The following PDE4DIP variants were observed in gnomAD, a reference collection of about 807,000 sequenced individuals.
PDE4DIP encodes myomegalin.
A neutral mutation model predicts 221.4 loss-of-function variants in PDE4DIP; 59 were observed. The observed-to-expected ratio is 0.27, with a 90% CI of 0.22 to 0.33. The LOEUF (loss-of-function observed/expected upper bound fraction) is 0.33. Among genes scored for constraint, PDE4DIP ranks in the 10% least tolerant of loss-of-function variants. The pLI, the probability that PDE4DIP is intolerant of heterozygous loss-of-function variation, is 1.00. For missense variants in PDE4DIP, 1,036 were observed against 2,154.2 expected, an observed-to-expected ratio of 0.48 and a Z score of 10.28; for synonymous variants, 404 against 815.9, an observed-to-expected ratio of 0.50 and a Z score of 8.60.
chr1:148,992,320 TG>T, intron 22 of PDE4DIP: 1 of 1,593,634 alleles, frequency 6.3e-7, no homozygotes, highest in South Asian at 1.1e-5. Flanking sequence ...TTTTTGTAAC[TG>T]AAACGCACCA....
intron 41 of PDE4DIP, among the ~76,000 whole-genome samples, chr1:149,029,440 C>G (rs1397588258): frequency 6.6e-6 from 1 of 152,200 alleles, no homozygotes; most frequent in Admixed American, 6.5e-5. Context: ...CTTCTGAACT[C>G]TCAATCTTAC....
intron 1 of PDE4DIP, among the ~76,000 whole-genome samples, chr1:148,915,277 A>T (rs1403619636): frequency 6.6e-6 from 1 of 152,216 alleles, no homozygotes; most frequent in Admixed American, 6.5e-5. Flanking sequence ...CCTCCCAAGT[A>T]GCTGGGATTA....
intron 1 of PDE4DIP, among the ~76,000 whole-genome samples, chr1:148,915,301 C>T (rs1393813616): frequency 2.0e-5 from 3 of 152,272 alleles, no homozygotes; most frequent in African/African-American, 2.4e-5. Context: ...GCACACACCA[C>T]CACACCTGGC....
At chr1:149,009,926 A>G (rs2068088500) in intron 30 of PDE4DIP, 135 bp downstream of exon 33, 2 of 728,806 alleles carry the variant, frequency 2.7e-6, no homozygotes, top group Non-Finnish European at 4.9e-6. Context: ...CACAGGCACC[A>G]GTGGATCAGG....
exon 41 of PDE4DIP, chr1:149,028,586 G>A (rs782344493): frequency 6.2e-7 from 1 of 1,610,894 alleles, no homozygotes; most frequent in East Asian, 2.2e-5. Flanking sequence ...GTATTCATGA[G>A]CTTCGGAGCA....
intron 17 of PDE4DIP, among the ~76,000 whole-genome samples, chr1:148,975,538 A>G (rs2060008831): frequency 1.3e-5 from 2 of 152,024 alleles, no homozygotes; most frequent in Non-Finnish European, 2.9e-5. Flanking sequence ...CTTCCTAAGA[A>G]GATTCATTTC....
At chr1:149,021,494 A>G (rs1239131537) in intron 37 of PDE4DIP, 1 of 180,092 alleles carries the variant, frequency 5.6e-6, no homozygotes, top group Non-Finnish European at 1.2e-5. Flanking sequence ...ATACATACTG[A>G]CAACCCATTC....
chr1:148,824,437 A>G (rs1670146944), intron 1 of PDE4DIP, among the ~76,000 whole-genome samples: 1 of 137,792 alleles, frequency 7.3e-6, no homozygotes, highest in East Asian at 2.0e-4. Flanking sequence ...CTAATCTCGG[A>G]AGCAACATTC....
chr1:148,922,927 C>T (rs1324333420), intron 1 of PDE4DIP, among the ~76,000 whole-genome samples: 1 of 140,660 alleles, frequency 7.1e-6, no homozygotes, highest in Non-Finnish European at 1.5e-5. Context: ...TCTCTGTCAC[C>T]CCAGCTGGAG....
upstream of PDE4DIP, among the ~76,000 whole-genome samples, chr1:148,888,074 CT>C (rs1157871772): frequency 7.2e-6 from 1 of 139,476 alleles, no homozygotes; most frequent in Non-Finnish European, 1.6e-5. Flanking sequence ...TTCTTACGGG[CT>C]CCCCCAGAGT....
chr1:148,940,589 T>C (rs1485392315), intron 5 of PDE4DIP, among the ~76,000 whole-genome samples: 11 of 152,010 alleles, frequency 7.2e-5, no homozygotes, highest in Non-Finnish European at 8.8e-5. Context: ...TCAGGACCCA[T>C]GCACCACCCT....
intron 32 of PDE4DIP, among the ~76,000 whole-genome samples, chr1:149,012,978 G>C (rs2069080132): frequency 6.6e-6 from 1 of 151,786 alleles, no homozygotes; most frequent in Non-Finnish European, 1.5e-5. Flanking sequence ...TCAGTTAACA[G>C]GTAGATATGT....
At chr1:148,937,964 G>C in intron 5 of PDE4DIP, 100 bp downstream of exon 8, 1 of 574,144 alleles carries the variant, frequency 1.7e-6, no homozygotes, top group Non-Finnish European at 3.1e-6. Flanking sequence ...TTGTGTAACA[G>C]ATTACTACAA....
chr1:148,897,161 ACT>A (rs1553442912), intron 1 of PDE4DIP, among the ~76,000 whole-genome samples: 1 of 32,524 alleles, frequency 3.1e-5, no homozygotes, highest in Non-Finnish European at 5.9e-5. Flanking sequence ...AAGGTATGAA[ACT>A]CTGACATGTG....
chr1:149,022,956 C>G (rs1553621418), intron 37 of PDE4DIP, among the ~76,000 whole-genome samples: 2 of 152,218 alleles, frequency 1.3e-5, no homozygotes, highest in African/African-American at 4.8e-5. Flanking sequence ...TTTAAAACAT[C>G]TCTTAAAAAA....
upstream of PDE4DIP, among the ~76,000 whole-genome samples, chr1:148,886,001 C>G (rs1695915728): frequency 2.3e-5 from 1 of 43,640 alleles, no homozygotes; most frequent in Non-Finnish European, 4.1e-5. Flanking sequence ...GCTCAAAAAT[C>G]TGAAAATATT....
intron 17 of PDE4DIP, among the ~76,000 whole-genome samples, chr1:148,975,069 C>G (rs1574689108): frequency 7.1e-6 from 1 of 140,540 alleles, no homozygotes. Context: ...TACTCGGGAG[C>G]CTCAGGCAGG....
intron 1 of PDE4DIP, among the ~76,000 whole-genome samples, chr1:148,862,241 A>G (rs1684571214): frequency 6.6e-6 from 1 of 151,026 alleles, no homozygotes; most frequent in Non-Finnish European, 1.5e-5. Context: ...GTCTCCCCTT[A>G]CTGTAAAAAT....
At chr1:148,998,217 G>C in exon 23 of PDE4DIP, 3 of 1,530,132 alleles carry the variant, frequency 2.0e-6, no homozygotes, top group Non-Finnish European at 1.8e-6. Flanking sequence ...CTCCTTCTCC[G>C]ATGGGAGGGG....
Sources: gnomAD v4.1 joint callset for allele counts (sites outside exome capture counted in the v4.1 genomes callset) on GRCh38, gnomAD v4.1.1 for gene constraint, MANE v1.5 for transcripts, NCBI Gene and HGNC (gene_info 2026-07-23, HGNC 2026-07-21) for gene names.